HMCN1: variants seen among roughly 807,000 people sequenced by gnomAD.
HMCN1 encodes hemicentin-1.
A neutral mutation model predicts 625.9 loss-of-function variants in HMCN1; 321 were observed. That is an observed-to-expected ratio of 0.51 (90% CI 0.47 to 0.56). The LOEUF is 0.56. Among genes scored for constraint, HMCN1 ranks in the 20% least tolerant of loss-of-function variants. The pLI is 0.00. For missense variants in HMCN1, 6,588 were observed against 6,887.3 expected, an observed-to-expected ratio of 0.96 and a Z score of 1.54; for synonymous variants, 2,425 against 2,417.6, an observed-to-expected ratio of 1.00 and a Z score of -0.09.
At chr1:185,942,234 T>A (rs2102513557) in intron 11 of HMCN1, among the ~76,000 whole-genome samples, 1 of 150,968 alleles carries the variant, frequency 6.6e-6, no homozygotes, top group Admixed American at 6.6e-5. Flanking sequence ...AGGATATGAA[T>A]GACTTAATAA....
chr1:185,996,595 T>C (rs1282067024), intron 24 of HMCN1, among the ~76,000 whole-genome samples: 1 of 152,100 alleles, frequency 6.6e-6, no homozygotes, highest in Non-Finnish European at 1.5e-5. Flanking sequence ...ATCATTCGGC[T>C]AGAGAAGACA....
intron 4 of HMCN1, among the ~76,000 whole-genome samples, chr1:185,880,451 C>T (rs952363400): frequency 6.6e-6 from 1 of 151,976 alleles, no homozygotes; most frequent in African/African-American, 2.4e-5. Flanking sequence ...ATGCTTTTTC[C>T]TCTGATACTT....
chr1:185,886,704 C>A (rs17461534), intron 4 of HMCN1, among the ~76,000 whole-genome samples: 23,715 of 152,002 alleles, frequency 0.16, 2,443 homozygotes, highest in Non-Finnish European at 0.23. Flanking sequence ...TGTCAGCTCT[C>A]TTGCCCAAGT....
At position 185,735,734 on chromosome 1, in the gene HMCN1, C is replaced by A. The variant is rs141189403; in HGVS notation, c.268+687C>A. Among the ~76,000 whole-genome samples, 44 of 152,244 alleles carry A rather than the reference C, an allele frequency of 2.9e-4. No homozygotes were observed. The East Asian group carries it at 8.1e-3, about 28-fold the overall frequency. On this transcript the variant is annotated intron_variant, in intron 1 of 106. Transcript: ENST00000271588. ...TGAAGTGAAATAACTTCATTTTTGC[C>A]CTAAAGCCGTAGGTTTCAGCAGCTC... is the stretch of plus-strand genomic sequence containing the variant.
chr1:186,184,474 A>G (rs1322292077), intron 105 of HMCN1, among the ~76,000 whole-genome samples: 18 of 152,222 alleles, frequency 1.2e-4, no homozygotes, highest in Admixed American at 1.2e-3. Context: ...AAAATAAACA[A>G]AAAGCATGAC....
At chr1:185,867,365 G>C (rs2057383) in intron 4 of HMCN1, among the ~76,000 whole-genome samples, 43,129 of 151,960 alleles carry the variant, frequency 0.28, 6,467 homozygotes, top group African/African-American at 0.33. Context: ...CAGTGCAGGA[G>C]TCTCTCAGAC....
In HMCN1 at chr1:186,151,641, C is replaced by A. The variant is rs993612391; in HGVS notation, c.14794C>A (p.Pro4932Thr). 1.2e-6 allele frequency: 2 copies of A among 1,612,496 alleles called. No homozygotes were observed. The highest frequency in any genetic ancestry group is 2.2e-5 in the South Asian group (2 of 91,040). Residue 4932 changes from proline to threonine, a missense_variant, in exon 95 of 107, where the codon CCC (proline) becomes ACC (threonine). By Grantham distance (38) the Pro-to-Thr change is conservative. Coordinates refer to ENST00000271588, the MANE Select transcript of HMCN1 (RefSeq NM_031935.3). Reference protein sequence around the residue: ...AMRKIVSILNPIYWTTAKEIG... With the variant: ...AMRKIVSILNTIYWTTAKEIG... Reference sequence around the variant, plus strand: ...GAGAAAGATAGTTTCTATTCTAAATCCCATTTATTGGACAACAGCAAAGGA... The same window carrying A: ...GAGAAAGATAGTTTCTATTCTAAATACCATTTATTGGACAACAGCAAAGGA...
At chr1:186,068,218 A>T (rs182914862) in intron 50 of HMCN1, among the ~76,000 whole-genome samples, 1,948 of 152,264 alleles carry the variant, frequency 0.013, 49 homozygotes, top group African/African-American at 0.039. Context: ...ATTACTTTTT[A>T]AAAGATCAGA....
intron 6 of HMCN1, among the ~76,000 whole-genome samples, chr1:185,912,392 A>T (rs899494115): frequency 5.3e-5 from 8 of 152,258 alleles, no homozygotes; most frequent in African/African-American, 1.7e-4. Flanking sequence ...ACAACGTGGT[A>T]TTTATATCCT....
chr1:185,925,026 T>C, intron 8 of HMCN1, 21 bp from the exon 9 acceptor site: 1 of 1,580,760 alleles, frequency 6.3e-7, no homozygotes, highest in Non-Finnish European at 8.6e-7. Context: ...TTTTTGTTTT[T>C]GTTTTTGTTT....
chr1:186,123,070 C>T lies in HMCN1; in HGVS notation c.12349C>T (p.Arg4117Cys), dbSNP rs777001625. ...TGACATTACATGGCATAAAGATGGG[C>T]GTGCAATTGTGGAATCTATCCGCCA... The part of the protein sequence containing the change: ...PPDITWHKDG[R>C]AIVESIRQRV... The change falls in exon 81 of 107, where the codon CGT becomes TGT. Residue 4117 changes from arginine (R) to cysteine (C), a missense_variant. Physicochemically the swap from Arg to Cys is radical, Grantham distance 180. Coordinates refer to ENST00000271588, the MANE Select transcript of HMCN1 (RefSeq NM_031935.3). The T allele has an allele frequency of 6.2e-6, 10 of 1,614,086 alleles. No individual in the cohort carries two copies. Among genetic ancestry groups the T allele is most frequent in the Non-Finnish European group, 8.5e-6 (10 of 1,179,996 alleles).
intron 28 of HMCN1, among the ~76,000 whole-genome samples, chr1:186,002,005 G>A (rs1401525156): frequency 1.3e-5 from 2 of 151,980 alleles, no homozygotes; most frequent in South Asian, 2.1e-4. Context: ...GCTATCTTGT[G>A]TAAAATAAGA....
Position 186,057,396 on chromosome 1 carries a change from T to C in HMCN1, c.7307T>C (p.Leu2436Pro), listed in dbSNP as rs886045675. 5.0e-6 allele frequency: 8 copies of C among 1,603,650 alleles called. No homozygotes were observed. Among genetic ancestry groups the C allele is most frequent in the Non-Finnish European group, 6.8e-6 (8 of 1,170,924 alleles). Residue 2436 changes from leucine (L) to proline (P), a missense_variant, in exon 46 of 107, where the codon CTT becomes CCT. Around this residue, in one of 3 missense-constraint regions of HMCN1, gnomAD observed 4,628 missense variants for 4,853.1 expected, o/e 0.95. Coordinates refer to ENST00000271588, the MANE Select transcript of HMCN1 (RefSeq NM_031935.3). Reference sequence around the variant, plus strand: ...AGCCTTAGCAATTCTGTGAGGATTCTTTCAGGTATTAGAAATTCTGGTAGC... The same window carrying C: ...AGCCTTAGCAATTCTGTGAGGATTCCTTCAGGTATTAGAAATTCTGGTAGC... ...PVSLSNSVRI[L>P]SGGRMLRLMQ...
intron 4 of HMCN1, among the ~76,000 whole-genome samples, chr1:185,902,411 CTATCTATCTATCTATCTA>C (rs1558053075): frequency 1.2e-4 from 15 of 129,620 alleles, no homozygotes; most frequent in African/African-American, 5.7e-4. Flanking sequence ...CTATCTCTAT[CTATCTATCTATCTATCTA>C]TCTATCTATC....
intron 73 of HMCN1, among the ~76,000 whole-genome samples, 155 bp from the exon 74 acceptor site, chr1:186,114,664 C>A (rs1432754385): frequency 6.6e-6 from 1 of 152,114 alleles, no homozygotes. Context: ...TGCATCGTAG[C>A]CTTTTCTTCC....
chr1:185,779,671 A>T (rs1656909537), intron 1 of HMCN1, among the ~76,000 whole-genome samples: 2 of 152,138 alleles, frequency 1.3e-5, no homozygotes, highest in African/African-American at 4.8e-5. Context: ...GTGTGGTATT[A>T]TTACTGAGAG....
chr1:186,104,965 T>C (rs768589959), intron 69 of HMCN1, among the ~76,000 whole-genome samples: 1 of 151,988 alleles, frequency 6.6e-6, no homozygotes, highest in Non-Finnish European at 1.5e-5. Flanking sequence ...GAATCATGAA[T>C]ATAAAAAAAA....
At chr1:186,107,074 T>C in intron 70 of HMCN1, 109 bp downstream of exon 70, 1 of 799,696 alleles carries the variant, frequency 1.3e-6, no homozygotes, top group South Asian at 1.4e-5. Flanking sequence ...AGGGAATATA[T>C]ATTTTGCAAA....
At chr1:185,969,551 A>G (rs931228837) in intron 14 of HMCN1, among the ~76,000 whole-genome samples, 1 of 152,122 alleles carries the variant, frequency 6.6e-6, no homozygotes, top group East Asian at 1.9e-4. Context: ...TCCTCATTCC[A>G]AGGTCAGATG....
Sources: gnomAD v4.1 joint callset for allele counts (sites outside exome capture counted in the v4.1 genomes callset) on GRCh38, gnomAD v4.1.1 for gene constraint, gnomAD v4.1.1 regional missense constraint, MANE v1.5 for transcripts, NCBI Gene and HGNC (gene_info 2026-07-23, HGNC 2026-07-21) for gene names.